Variants in DACH1 observed in about 807,000 individuals in gnomAD.
DACH1 encodes the protein dachshund family transcription factor 1.
Under a neutral mutation model 54.2 loss-of-function variants are expected in DACH1, and 12 were observed. The observed-to-expected ratio is 0.22, with a 90% CI of 0.14 to 0.36. The LOEUF is 0.36. Among genes scored for constraint, DACH1 ranks in the 10% least tolerant of loss-of-function variants. The probability of loss-of-function intolerance (pLI) is 1.00; values close to 1 mark genes in which losing one functional copy is unlikely to be tolerated. For missense variants in DACH1, 805 were observed against 929.8 expected (o/e 0.87, Z 1.75); for synonymous variants, 386 against 366.2 (o/e 1.05, Z -0.62).
chr13:71,777,309 T>C (rs1213040465), intron 1 of DACH1, among the ~76,000 whole-genome samples: 2 of 152,114 alleles, frequency 1.3e-5, no homozygotes, highest in Non-Finnish European at 2.9e-5. Flanking sequence ...TCTTAGCGTG[T>C]CTCCAACAAA....
intron 1 of DACH1, among the ~76,000 whole-genome samples, chr13:71,691,342 A>G (rs557158550): frequency 6.6e-6 from 1 of 152,364 alleles, no homozygotes; most frequent in South Asian, 2.1e-4. Flanking sequence ...TATATTATCT[A>G]CTGCCAGGGA....
intron 2 of DACH1, among the ~76,000 whole-genome samples, chr13:71,665,909 C>T (rs748236679): frequency 9.9e-5 from 15 of 152,124 alleles, no homozygotes; most frequent in Admixed American, 2.0e-4. Context: ...TACCTTAATA[C>T]TCATCTGTTA....
At chr13:71,597,769 A>C (rs961803176) in intron 3 of DACH1, among the ~76,000 whole-genome samples, 1 of 152,194 alleles carries the variant, frequency 6.6e-6, no homozygotes, top group Non-Finnish European at 1.5e-5. Flanking sequence ...TGTCCCTAGT[A>C]AGTGCTCAAA....
intron 1 of DACH1, among the ~76,000 whole-genome samples, chr13:71,774,150 T>C (rs764845832): frequency 6.6e-6 from 1 of 152,128 alleles, no homozygotes; most frequent in Non-Finnish European, 1.5e-5. Flanking sequence ...ATTAATCAGT[T>C]AGATTTGCAG....
intron 10 of DACH1, among the ~76,000 whole-genome samples, chr13:71,442,029 T>C (rs1162175388): frequency 6.6e-6 from 1 of 152,128 alleles, no homozygotes; most frequent in Admixed American, 6.6e-5. Context: ...CAAACACTTA[T>C]CCTCTGTGTT....
At chr13:71,683,360 A>C (rs950126338) in intron 1 of DACH1, among the ~76,000 whole-genome samples, 2 of 152,174 alleles carry the variant, frequency 1.3e-5, no homozygotes, top group African/African-American at 4.8e-5. Flanking sequence ...GAACATTAGA[A>C]GACAATTCTG....
intron 6 of DACH1, among the ~76,000 whole-genome samples, chr13:71,492,089 T>TTTTTTG (rs1305122845): frequency 1.3e-5 from 2 of 152,332 alleles, no homozygotes; most frequent in East Asian, 3.9e-4. Context: ...TTTCTTGTTT[T>TTTTTTG]TTTTTGTTTT....
intron 1 of DACH1, among the ~76,000 whole-genome samples, chr13:71,751,068 G>C (rs1245394774): frequency 1.3e-5 from 2 of 152,210 alleles, no homozygotes; most frequent in African/African-American, 4.8e-5. Flanking sequence ...ATGGCAGTCA[G>C]ATGTTTACAT....
intron 1 of DACH1, among the ~76,000 whole-genome samples, chr13:71,821,483 T>TTTTAAATTTAAATTTAAATTCTAAGAA (rs1888185350): frequency 2.6e-5 from 4 of 151,328 alleles, no homozygotes; most frequent in Admixed American, 6.6e-5. Flanking sequence ...AATTCTAAGA[T>TTTTAAATTTAAATTTAAATTCTAAGAA]TTTAAATTTA....
At chr13:71,665,481 C>G (rs988518625) in intron 2 of DACH1, among the ~76,000 whole-genome samples, 1 of 151,952 alleles carries the variant, frequency 6.6e-6, no homozygotes, top group Non-Finnish European at 1.5e-5. Flanking sequence ...TAAAACAGTT[C>G]TTAAGCTTTC....
chr13:71,541,663 T>C (rs1399546969), intron 6 of DACH1, among the ~76,000 whole-genome samples: 1 of 152,040 alleles, frequency 6.6e-6, no homozygotes, highest in Non-Finnish European at 1.5e-5. Context: ...TCATTTGTTG[T>C]CAGAAAAGAG....
chr13:71,470,783 G>T (rs530858758), intron 10 of DACH1, among the ~76,000 whole-genome samples: 6 of 152,126 alleles, frequency 3.9e-5, no homozygotes, highest in Non-Finnish European at 8.8e-5. Flanking sequence ...GGAATAGCAG[G>T]CACCACTATG....
chr13:71,702,712 T>C (rs1466470717), intron 1 of DACH1, among the ~76,000 whole-genome samples: 3 of 152,176 alleles, frequency 2.0e-5, no homozygotes, highest in Non-Finnish European at 2.9e-5. Context: ...GCATAAATGA[T>C]GCTGCCAAAT....
chr13:71,549,540 G>A (rs759205478), intron 6 of DACH1, among the ~76,000 whole-genome samples: 3 of 152,012 alleles, frequency 2.0e-5, no homozygotes, highest in East Asian at 1.9e-4. Flanking sequence ...AGATATTAAC[G>A]TGATTCAGTT....
At chr13:71,660,274 C>G (rs116943547) in intron 2 of DACH1, among the ~76,000 whole-genome samples, 5,819 of 152,054 alleles carry the variant, frequency 0.038, 173 homozygotes, top group Non-Finnish European at 0.052. Context: ...GCACTTTATG[C>G]CTGACTTATA....
intron 6 of DACH1, among the ~76,000 whole-genome samples, chr13:71,497,075 G>A (rs1879501102): frequency 1.3e-5 from 2 of 152,204 alleles, no homozygotes; most frequent in South Asian, 4.1e-4. Flanking sequence ...CTAAGAACCT[G>A]TCTCTTATTT....
At chr13:71,805,702 A>G (rs1202628492) in intron 1 of DACH1, among the ~76,000 whole-genome samples, 1 of 152,232 alleles carries the variant, frequency 6.6e-6, no homozygotes, top group Non-Finnish European at 1.5e-5. Flanking sequence ...TTTTAATTAG[A>G]CAAATATTTT....
chr13:71,560,789 C>T (rs1162408310), intron 4 of DACH1, among the ~76,000 whole-genome samples: 1 of 152,098 alleles, frequency 6.6e-6, no homozygotes, highest in African/African-American at 2.4e-5. Context: ...AGAAGGTACC[C>T]ATTGGTGAAC....
chr13:71,693,719 A>T (rs1036287093), intron 1 of DACH1, among the ~76,000 whole-genome samples: 1 of 152,060 alleles, frequency 6.6e-6, no homozygotes, highest in African/African-American at 2.4e-5. Flanking sequence ...GGCCACATTC[A>T]TATAACTTTT....
Sources: allele counts gnomAD v4.1 joint callset (sites outside exome capture counted in the v4.1 genomes callset), GRCh38; gene constraint gnomAD v4.1.1; transcripts MANE v1.5; gene names NCBI Gene and HGNC (gene_info 2026-07-23, HGNC 2026-07-21).